The following MGRN1 variants were observed in gnomAD, a reference collection of about 807,000 sequenced individuals.
MGRN1 encodes mahogunin ring finger 1.
In MGRN1, 29 loss-of-function variants were observed where a neutral mutation model predicts 69.2. The observed-to-expected ratio is 0.42, with a 90% CI of 0.31 to 0.57. MGRN1 has a LOEUF of 0.57. Ranked by LOEUF, MGRN1 falls within the 20% of genes least tolerant of loss-of-function variation. MGRN1 has a pLI of 0.15. For missense variants in MGRN1, 998 were observed against 796.2 expected, an observed-to-expected ratio of 1.25 and a Z score of -3.05; for synonymous variants, 470 against 344.2, an observed-to-expected ratio of 1.37 and a Z score of -4.04.
Position 4,650,371 on chromosome 16 carries a change from A to G in MGRN1, c.95A>G (p.Tyr32Cys). The part of the protein sequence containing the change: ...AYRYPPKSGN[Y>C]FASHFFMGGE... ...TGTTTCCTTTTTTAAACAGGAAACT[A>G]CTTTGCTTCGCACTTTTTCATGGGA... Residue 32 changes from tyrosine (Y) to cysteine (C), a missense_variant, in exon 2 of 17, where the codon TAC becomes TGC. Tyr to Cys is a radical substitution (Grantham distance 194). Transcript: ENST00000262370. 6.2e-7 allele frequency: 1 copy of G among 1,608,484 alleles called. No individual in the cohort carries two copies.
intron 10 of MGRN1, among the ~76,000 whole-genome samples, chr16:4,676,222 G>A (rs1214521503): frequency 6.6e-6 from 1 of 152,238 alleles, no homozygotes; most frequent in Non-Finnish European, 1.5e-5. Context: ...GTAGCAGGGA[G>A]GGCCGGCCCA....
At chr16:4,654,015 G>T (rs1196666735) in intron 4 of MGRN1, among the ~76,000 whole-genome samples, 1 of 152,192 alleles carries the variant, frequency 6.6e-6, no homozygotes, top group Non-Finnish European at 1.5e-5. Flanking sequence ...GCCTCCCAAA[G>T]TGCTGAGATT....
Position 4,624,988 on chromosome 16 carries a change from G to T in MGRN1, c.28G>T (p.Ala10Ser). Residue 10 changes from alanine to serine, a missense_variant, in exon 1 of 17, where the codon GCG becomes TCG. Coordinates refer to ENST00000262370, the MANE Select transcript of MGRN1 (RefSeq NM_015246.4). ...GGGCTCCATTCTCAGCCGCCGCATC[G>T]CGGGGGTGGAGGACATCGACATCCA... The part of the protein sequence containing the change: MGSILSRRI[A>S]GVEDIDIQAN... 6.4e-7 allele frequency: 1 copy of T among 1,557,782 alleles called. No individual in the cohort carries two copies. Among genetic ancestry groups the T allele is most frequent in the Non-Finnish European group, 8.7e-7 (1 of 1,154,534 alleles).
rs2079228851 is a variant in MGRN1, at chr16:4,683,204, C to T, written c.1483-20C>T. ...CCGCGGCTCTCTGAGCTCTAGGCTA[C>T]TTTCCCCTTTGTTTCCTAGAGTTTC... On this transcript the variant is annotated intron_variant, in intron 14 of 16. Transcript: ENST00000262370. The T allele has an allele frequency of 2.5e-6, 4 of 1,613,218 alleles. No homozygotes were observed. Among genetic ancestry groups the T allele is most frequent in the Non-Finnish European group, 3.4e-6 (4 of 1,179,928 alleles).
intron 3 of MGRN1, among the ~76,000 whole-genome samples, chr16:4,652,365 C>T (rs1027508027): frequency 5.9e-5 from 9 of 152,110 alleles, no homozygotes; most frequent in Non-Finnish European, 1.3e-4. Flanking sequence ...GGACGGCCCC[C>T]CCACAGACAG....
intron 1 of MGRN1, among the ~76,000 whole-genome samples, chr16:4,645,934 G>A (rs1596273369): frequency 6.6e-6 from 1 of 152,206 alleles, no homozygotes; most frequent in Non-Finnish European, 1.5e-5. Context: ...CAGTGCTGTG[G>A]TTGTAGAAAT....
intron 16 of MGRN1, chr16:4,688,450 A>C: frequency 9.2e-7 from 1 of 1,089,238 alleles, no homozygotes; most frequent in Non-Finnish European, 1.1e-6. Flanking sequence ...TTGGCAGGAC[A>C]GTGGCTGGCC....
At chr16:4,658,510 T>G (rs2078604458) in intron 5 of MGRN1, among the ~76,000 whole-genome samples, 1 of 150,064 alleles carries the variant, frequency 6.7e-6, no homozygotes, top group African/African-American at 2.5e-5. Context: ...CACTCCAGCC[T>G]GGGCGACAGA....
chr16:4,628,704 C>A (rs938905737), intron 1 of MGRN1, among the ~76,000 whole-genome samples: 30 of 152,182 alleles, frequency 2.0e-4, no homozygotes, highest in Non-Finnish European at 4.1e-4. Flanking sequence ...ACCACCACGC[C>A]CGGCTAATTT....
intron 1 of MGRN1, among the ~76,000 whole-genome samples, chr16:4,642,645 G>A (rs1414423800): frequency 6.6e-6 from 1 of 151,858 alleles, no homozygotes. Context: ...ATTTTTAGTA[G>A]AAACAGACTT....
intron 9 of MGRN1, among the ~76,000 whole-genome samples, chr16:4,673,121 A>C (rs1274956653): frequency 1.3e-5 from 2 of 152,226 alleles, no homozygotes; most frequent in African/African-American, 4.8e-5. Flanking sequence ...TACAGGCGTG[A>C]GCCACCGCGC....
At chr16:4,646,718 A>G (rs139706523) in intron 1 of MGRN1, among the ~76,000 whole-genome samples, 30 of 152,334 alleles carry the variant, frequency 2.0e-4, no homozygotes, top group African/African-American at 7.0e-4. Context: ...GCCCAGAGAC[A>G]TGTCGGCCGG....
At chr16:4,676,175 G>C (rs1261377260) in intron 10 of MGRN1, among the ~76,000 whole-genome samples, 2 of 152,264 alleles carry the variant, frequency 1.3e-5, no homozygotes, top group African/African-American at 4.8e-5. Context: ...CTGGGGCCTG[G>C]AGGGAGAGGC....
At position 4,683,848 on chromosome 16, in the gene MGRN1, C is replaced by T. The variant is rs199984936; in HGVS notation, c.1534C>T (p.Arg512Ter). The T allele has an allele frequency of 3.1e-6, 5 of 1,612,356 alleles. No individual in the cohort carries two copies. Among genetic ancestry groups the T allele is most frequent in the South Asian group, 1.1e-5 (1 of 90,910 alleles). Residue 512 changes from arginine to a stop codon, truncating the protein, a stop_gained, in exon 16 of 17, where the codon CGA (arginine) becomes TGA (stop). Coordinates refer to ENST00000262370, the MANE Select transcript of MGRN1 (RefSeq NM_015246.4). LOFTEE classifies it high-confidence loss of function. Reference sequence around the variant, plus strand: ...ACCTCACCCTCTGCCTGCAGGGACCCGAGCAGCTTCCATTGAGAATGTCCT... The same window carrying T: ...ACCTCACCCTCTGCCTGCAGGGACCTGAGCAGCTTCCATTGAGAATGTCCT... ...DESSSPQQGT[R>*]AASIENVLQD...
intron 16 of MGRN1, among the ~76,000 whole-genome samples, chr16:4,685,810 G>A (rs1392671031): frequency 6.6e-6 from 1 of 152,248 alleles, no homozygotes; most frequent in Admixed American, 6.5e-5. Flanking sequence ...TAGGGGTGCA[G>A]CCGCTGCCTG....
At chr16:4,682,793 AC>A (rs746583190) in intron 13 of MGRN1, 29 bp from the exon 14 acceptor site, 1 of 1,498,550 alleles carries the variant, frequency 6.7e-7, no homozygotes. Flanking sequence ...TTATCCTCTC[AC>A]CCCTGCCCAC....
chr16:4,648,024 G>A (rs771040204), intron 1 of MGRN1, among the ~76,000 whole-genome samples: 7 of 152,150 alleles, frequency 4.6e-5, no homozygotes, highest in East Asian at 1.9e-4. Context: ...ACCATGCAGC[G>A]CCTGAAGGTC....
At chr16:4,653,087 C>G (rs775425162) in intron 4 of MGRN1, among the ~76,000 whole-genome samples, 6 of 152,176 alleles carry the variant, frequency 3.9e-5, no homozygotes, top group African/African-American at 1.4e-4. Flanking sequence ...GGGCCCAGTC[C>G]CACAAGACTG....
At chr16:4,625,112 G>C (rs1467767283) in intron 1 of MGRN1, 64 bp downstream of exon 1, 18 of 1,427,030 alleles carry the variant, frequency 1.3e-5, no homozygotes, top group Non-Finnish European at 1.7e-5. Flanking sequence ...CGGCGGGCGC[G>C]GGGGCGGGGA....
Sources: gnomAD v4.1 joint callset for allele counts (sites outside exome capture counted in the v4.1 genomes callset) on GRCh38, gnomAD v4.1.1 for gene constraint, MANE v1.5 for transcripts, NCBI Gene and HGNC (gene_info 2026-07-23, HGNC 2026-07-21) for gene names.